NELL1: variants seen among roughly 807,000 people sequenced by gnomAD.
NELL1 encodes the protein protein kinase C-binding protein NELL1.
NELL1 carries 76 observed loss-of-function variants against 107.4 expected under a neutral mutation model. The observed-to-expected ratio is 0.71, with a 90% CI of 0.59 to 0.86. The LOEUF (loss-of-function observed/expected upper bound fraction) is 0.86, where lower values mean the gene tolerates loss of function less well. Ranked by LOEUF, NELL1 falls within the 40% of genes least tolerant of loss-of-function variation. NELL1 has a pLI of 0.00. For missense variants in NELL1, 1,024 were observed against 1,005.5 expected, an observed-to-expected ratio of 1.02 and a Z score of -0.25; for synonymous variants, 353 against 341.2, an observed-to-expected ratio of 1.03 and a Z score of -0.38.
intron 2 of NELL1, among the ~76,000 whole-genome samples, chr11:20,775,296 T>C (rs1371887774): frequency 6.6e-6 from 1 of 152,228 alleles, no homozygotes; most frequent in Non-Finnish European, 1.5e-5. Flanking sequence ...TGTACTATTG[T>C]ATACCTGTTT....
intron 13 of NELL1, 43 bp from the exon 14 acceptor site, chr11:21,229,289 C>A (rs754082947): frequency 1.9e-6 from 3 of 1,609,522 alleles, no homozygotes; most frequent in Non-Finnish European, 2.5e-6. Flanking sequence ...GTAATTCCAA[C>A]TTAAGAAAAA....
intron 14 of NELL1, among the ~76,000 whole-genome samples, chr11:21,254,359 A>G (rs781474179): frequency 6.6e-6 from 1 of 152,144 alleles, no homozygotes; most frequent in Non-Finnish European, 1.5e-5. Flanking sequence ...AAATTACATT[A>G]TGGAAATTGC....
intron 12 of NELL1, among the ~76,000 whole-genome samples, chr11:21,067,361 T>G (rs561835373): frequency 7.0e-6 from 1 of 142,432 alleles, no homozygotes; most frequent in African/African-American, 3.0e-5. Flanking sequence ...GCAAACATGA[T>G]TTTTTTTTAA....
intron 13 of NELL1, among the ~76,000 whole-genome samples, chr11:21,207,353 G>C (rs1415379756): frequency 6.6e-6 from 1 of 152,130 alleles, no homozygotes; most frequent in East Asian, 1.9e-4. Flanking sequence ...GTGAGCAGGT[G>C]ACAAAGCTGG....
chr11:20,916,145 A>G (rs1334135987), intron 5 of NELL1, among the ~76,000 whole-genome samples: 2 of 151,896 alleles, frequency 1.3e-5, no homozygotes, highest in Admixed American at 1.3e-4. Context: ...AAAAATACCA[A>G]GTGCTTTGGG....
intron 2 of NELL1, among the ~76,000 whole-genome samples, chr11:20,686,488 G>A (rs994011903): frequency 1.5e-4 from 23 of 152,116 alleles, no homozygotes; most frequent in African/African-American, 5.6e-4. Flanking sequence ...GGCAGCCCCC[G>A]GAACCAGAAT....
intron 15 of NELL1, among the ~76,000 whole-genome samples, chr11:21,432,622 G>C (rs183294651): frequency 3.3e-5 from 5 of 152,256 alleles, no homozygotes; most frequent in Admixed American, 3.3e-4. Context: ...CACGGGATTG[G>C]ATCTTGTGTT....
chr11:20,674,997 T>C lies in NELL1; in HGVS notation c.56-2935T>C, dbSNP rs1056479770. On this transcript the variant is annotated intron_variant, in intron 1 of 19. Coordinates refer to ENST00000357134, the MANE Select transcript of NELL1 (RefSeq NM_006157.5). ...TGGTTCACATATCTGTAAATTGTGT[T>C]TGGGGTTGGCTTATCTAGGCTGCAT... is the stretch of plus-strand genomic sequence containing the variant. 3.3e-5 allele frequency among the ~76,000 whole-genome samples: 5 copies of C among 152,176 alleles called. No individual in the cohort carries two copies. In the East Asian group the frequency reaches 5.8e-4, roughly 18 times the overall value.
At chr11:21,070,678 A>T (rs1445108101) in intron 12 of NELL1, among the ~76,000 whole-genome samples, 1 of 152,126 alleles carries the variant, frequency 6.6e-6, no homozygotes, top group Non-Finnish European at 1.5e-5. Flanking sequence ...GTGTGAGCCG[A>T]GCATATACCA....
intron 13 of NELL1, among the ~76,000 whole-genome samples, chr11:21,191,483 C>G (rs1857048475): frequency 6.6e-6 from 1 of 151,878 alleles, no homozygotes; most frequent in Admixed American, 6.6e-5. Flanking sequence ...CCCAGTGAGA[C>G]CCATTTTGGA....
At chr11:21,283,098 C>G (rs1263808165) in intron 14 of NELL1, among the ~76,000 whole-genome samples, 1 of 151,978 alleles carries the variant, frequency 6.6e-6, no homozygotes, top group Non-Finnish European at 1.5e-5. Flanking sequence ...TGAATAAGAC[C>G]TAGTATTCAC....
At chr11:21,160,455 G>C (rs1215953955) in intron 13 of NELL1, among the ~76,000 whole-genome samples, 1 of 152,102 alleles carries the variant, frequency 6.6e-6, no homozygotes, top group Non-Finnish European at 1.5e-5. Flanking sequence ...TCAGTGTGGG[G>C]TATGTTTTAA....
At chr11:21,425,805 G>A (rs1458567071) in intron 15 of NELL1, among the ~76,000 whole-genome samples, 1 of 152,182 alleles carries the variant, frequency 6.6e-6, no homozygotes, top group Non-Finnish European at 1.5e-5. Context: ...GAGTTTGTTT[G>A]TGATAATGTT....
At chr11:21,232,721 T>C (rs947039170) in intron 14 of NELL1, among the ~76,000 whole-genome samples, 2 of 152,206 alleles carry the variant, frequency 1.3e-5, no homozygotes, top group African/African-American at 4.8e-5. Context: ...TGGCTTGATC[T>C]CAGCTCATTG....
At chr11:21,442,290 A>G (rs1853304870) in intron 15 of NELL1, among the ~76,000 whole-genome samples, 1 of 152,182 alleles carries the variant, frequency 6.6e-6, no homozygotes, top group Non-Finnish European at 1.5e-5. Context: ...AATTCTATAT[A>G]TCAACCTTGT....
At chr11:21,539,371 C>T (rs1398731111) in intron 16 of NELL1, among the ~76,000 whole-genome samples, 1 of 151,990 alleles carries the variant, frequency 6.6e-6, no homozygotes, top group African/African-American at 2.4e-5. Context: ...TACCCTCTGC[C>T]TTTTCACAAG....
intron 16 of NELL1, among the ~76,000 whole-genome samples, chr11:21,550,713 T>A (rs2133989389): frequency 6.6e-6 from 1 of 152,228 alleles, no homozygotes; most frequent in East Asian, 1.9e-4. Flanking sequence ...TCTGTTTTGG[T>A]ACCAGTACCA....
chr11:20,991,687 A>G (rs900678190), intron 12 of NELL1, among the ~76,000 whole-genome samples: 3 of 152,268 alleles, frequency 2.0e-5, no homozygotes, highest in Admixed American at 6.5e-5. Flanking sequence ...GCCTCAGTCA[A>G]TGCCTCCTGG....
Position 20,783,729 on chromosome 11 carries a change from T to G in NELL1, c.234T>G (p.Ile78Met). The change falls in exon 3 of 20, where the codon ATT (isoleucine) becomes ATG (methionine). Residue 78 changes from isoleucine to methionine, a missense_variant. Coordinates refer to ENST00000357134, the MANE Select transcript of NELL1 (RefSeq NM_006157.5). Reference protein sequence around the residue: ...HAAPHVSEKLIQLFRNKSEFT... With the variant: ...HAAPHVSEKLMQLFRNKSEFT... ...CTCCTCATGTGAGTGAGAAATTAAT[T>G]CAGCTGTTCCGGAACAAGAGTGAAT... The G allele has an allele frequency of 6.2e-7, 1 of 1,614,016 alleles. No homozygotes were observed.
Sources: allele counts gnomAD v4.1 joint callset (sites outside exome capture counted in the v4.1 genomes callset), GRCh38; gene constraint gnomAD v4.1.1; transcripts MANE v1.5; gene names NCBI Gene and HGNC (gene_info 2026-07-23, HGNC 2026-07-21).